The following UAP1 variants were observed in gnomAD, a reference collection of about 807,000 sequenced individuals.
UAP1 encodes the protein UDP-N-acetylhexosamine pyrophosphorylase.
UAP1 carries 25 observed loss-of-function variants against 58.5 expected under a neutral mutation model. The observed-to-expected ratio is 0.43, with a 90% CI of 0.31 to 0.60. The LOEUF is 0.60. UAP1 is among the 20% of genes least tolerant of loss of function. UAP1 has a pLI of 0.11. For synonymous variants in UAP1, 208 were observed against 213.0 expected (o/e 0.98, Z 0.21); for missense variants, 575 against 630.0 (o/e 0.91, Z 0.93).
chr1:162,574,870 A>G (rs1476229167), intron 2 of UAP1, among the ~76,000 whole-genome samples: 9 of 152,170 alleles, frequency 5.9e-5, no homozygotes, highest in African/African-American at 7.2e-5. Context: ...TTGGATCTCA[A>G]ATCATCTTGA....
intron 5 of UAP1, among the ~76,000 whole-genome samples, chr1:162,583,626 GTTTA>G (rs763688305): frequency 3.3e-5 from 5 of 151,768 alleles, no homozygotes; most frequent in African/African-American, 1.2e-4. Flanking sequence ...TACTTTGTTT[GTTTA>G]TTTATTTATT....
At chr1:162,565,967 TG>T in intron 1 of UAP1, 44 bp from the exon 2 acceptor site, 1 of 1,290,690 alleles carries the variant, frequency 7.7e-7, no homozygotes, top group Non-Finnish European at 1.1e-6. Flanking sequence ...CCCTCAATTT[TG>T]GAGGTTGGAT....
chr1:162,588,941 C>A, intron 7 of UAP1, 108 bp downstream of exon 7: 1 of 1,089,396 alleles, frequency 9.2e-7, no homozygotes, highest in Non-Finnish European at 1.3e-6. Context: ...GCACATATCT[C>A]ACATGGCATT....
chr1:162,579,423 G>T lies in UAP1; in HGVS notation c.486-5G>T. On this transcript the variant is annotated splice_region_variant and splice_polypyrimidine_tract_variant and intron_variant, in intron 3 of 10. Coordinates refer to ENST00000271469, the Ensembl canonical transcript of UAP1. Reference sequence around the variant, plus strand: ...TGCTTAGAAGATCTGATTTTCTCTTGTAAGGTATATAATGACCAGTGGCAG... The same window carrying T: ...TGCTTAGAAGATCTGATTTTCTCTTTTAAGGTATATAATGACCAGTGGCAG... The T allele has an allele frequency of 6.7e-7, 1 of 1,501,116 alleles. No individual in the cohort carries two copies. Among genetic ancestry groups the T allele is most frequent in the East Asian group, 2.4e-5 (1 of 42,416 alleles). 93.0% of individuals were successfully genotyped at this position (1,501,116 alleles called of 1,614,324 possible).
intron 2 of UAP1, among the ~76,000 whole-genome samples, chr1:162,566,585 C>A (rs1223693379): frequency 6.6e-6 from 1 of 151,806 alleles, no homozygotes; most frequent in African/African-American, 2.4e-5. Context: ...TGCTAGATTT[C>A]TTTTCCTGAA....
intron 2 of UAP1, among the ~76,000 whole-genome samples, chr1:162,572,668 G>A (rs1264421948): frequency 2.0e-5 from 3 of 152,204 alleles, no homozygotes; most frequent in Non-Finnish European, 2.9e-5. Context: ...TTCTTTTGAA[G>A]ATGTTCAGAA....
At chr1:162,578,873 GCAAAAGCTAC>G (rs1472104666) in intron 3 of UAP1, among the ~76,000 whole-genome samples, 2 of 152,114 alleles carry the variant, frequency 1.3e-5, no homozygotes, top group Admixed American at 1.3e-4. Context: ...TCTAGTAAGG[GCAAAAGCTAC>G]CACAGTCACT....
At chr1:162,582,019 A>G (rs570576222) in intron 5 of UAP1, among the ~76,000 whole-genome samples, 1 of 152,342 alleles carries the variant, frequency 6.6e-6, no homozygotes, top group African/African-American at 2.4e-5. Context: ...TTGGCATTGT[A>G]CTTTTCAACA....
At chr1:162,576,675 G>A in intron 2 of UAP1, 102 bp from the exon 3 acceptor site, 2 of 1,109,000 alleles carry the variant, frequency 1.8e-6, no homozygotes, top group Middle Eastern at 2.5e-4. Flanking sequence ...CAGCTGTATA[G>A]CCTTACTTCC....
chr1:162,592,610 G>C, intron 8 of UAP1, 122 bp from the exon 9 acceptor site: 1 of 743,628 alleles, frequency 1.3e-6, no homozygotes, highest in East Asian at 2.8e-5. Context: ...TTGGTCTCTT[G>C]GGACGAATTT....
intron 9 of UAP1, chr1:162,597,441 T>G: frequency 5.3e-6 from 1 of 187,804 alleles, no homozygotes; most frequent in Non-Finnish European, 1.1e-5. Flanking sequence ...AGCATTGGGC[T>G]TGGCATATAG....
chr1:162,593,003 G>T (rs1655412765), intron 9 of UAP1: 4 of 546,570 alleles, frequency 7.3e-6, no homozygotes, highest in Non-Finnish European at 1.3e-5. Flanking sequence ...CTTTACTAAA[G>T]AATCTGACCA....
rs751987699 is a variant in UAP1, at chr1:162,587,699, ATATTTATT to A, written c.1028+32_1028+39del. ...GGCAAGATGGGGGCCTTTTAAAATT[ATATTTATT>A]GTTAATCAGAAACTAAGACACTTGA... On this transcript the variant is annotated intron_variant, in intron 6 of 10. Transcript: ENST00000271469. 53 of 1,589,450 alleles carry A rather than the reference ATATTTATT, an allele frequency of 3.3e-5. No homozygotes were observed. In the Middle Eastern group the frequency reaches 1.2e-3, roughly 35 times the overall value.
At chr1:162,589,388 A>G (rs1032445487) in intron 7 of UAP1, among the ~76,000 whole-genome samples, 7 of 147,658 alleles carry the variant, frequency 4.7e-5, no homozygotes, top group Non-Finnish European at 8.9e-5. Context: ...TGTGGCCTCA[A>G]GCGATCTTCC....
intron 5 of UAP1, among the ~76,000 whole-genome samples, chr1:162,587,207 T>G (rs1159713333): frequency 6.6e-6 from 1 of 152,216 alleles, no homozygotes; most frequent in African/African-American, 2.4e-5. Context: ...TGATTTACTC[T>G]GTGCTAGATA....
At chr1:162,581,418 A>G (rs866405442) in exon 5 of UAP1, 1 of 1,614,114 alleles carries the variant, frequency 6.2e-7, no homozygotes, top group Non-Finnish European at 8.5e-7. Context: ...CCCACGGTTC[A>G]TTGGATTTTG....
intron 5 of UAP1, among the ~76,000 whole-genome samples, chr1:162,582,050 A>T (rs1476349511): frequency 3.9e-5 from 6 of 152,316 alleles, no homozygotes; most frequent in Non-Finnish European, 5.9e-5. Context: ...TGTATAGGTG[A>T]TGGCATGTCT....
exon 11 of UAP1, chr1:162,599,395 G>C (rs1655806404): frequency 3.4e-6 from 5 of 1,451,512 alleles, no homozygotes; most frequent in Non-Finnish European, 4.8e-6. Context: ...GCCACGATAG[G>C]AATAGCTTTT....
intron 7 of UAP1, among the ~76,000 whole-genome samples, chr1:162,589,195 T>C (rs1487448622): frequency 1.5e-5 from 1 of 66,894 alleles, no homozygotes; most frequent in Admixed American, 2.9e-4. Flanking sequence ...ATATATATTA[T>C]ATATTATATT....
Sources: allele counts gnomAD v4.1 joint callset (sites outside exome capture counted in the v4.1 genomes callset), GRCh38; gene constraint gnomAD v4.1.1; transcripts MANE v1.5; gene names NCBI Gene and HGNC (gene_info 2026-07-23, HGNC 2026-07-21).